SHTN1: variants seen among roughly 807,000 people sequenced by gnomAD.
SHTN1 encodes the protein shootin-1.
SHTN1 carries 42 observed loss-of-function variants against 83.1 expected under a neutral mutation model. The observed-to-expected ratio is 0.51, with a 90% CI of 0.39 to 0.65. SHTN1 has a LOEUF of 0.65. Ranked by LOEUF, SHTN1 falls within the 30% of genes least tolerant of loss-of-function variation. The pLI is 0.00. For missense variants in SHTN1, 622 were observed against 737.8 expected (o/e 0.84, Z 1.82); for synonymous variants, 224 against 247.7 (o/e 0.90, Z 0.90).
intron 2 of SHTN1, among the ~76,000 whole-genome samples, chr10:117,015,827 C>T (rs1852174158): frequency 2.0e-5 from 3 of 152,178 alleles, no homozygotes; most frequent in Admixed American, 2.0e-4. Flanking sequence ...GGCTGTGTTC[C>T]TATTGACTCT....
chr10:117,037,446 C>T (rs1003631772), intron 2 of SHTN1, among the ~76,000 whole-genome samples: 3 of 151,970 alleles, frequency 2.0e-5, no homozygotes, highest in Non-Finnish European at 4.4e-5. Context: ...ATTCCATGTG[C>T]AAGGATAGGA....
At position 116,881,705 on chromosome 10, in the gene SHTN1, G is replaced by A; in HGVS notation, c.*4639C>T. The A allele has an allele frequency of 1.4e-6, 2 of 1,405,504 alleles. No individual in the cohort carries two copies. The highest frequency in any genetic ancestry group is 3.4e-5 in the South Asian group (2 of 58,744). The allele number at this position is 1,405,504 out of a possible 1,614,324, so 87.1% of individuals were successfully genotyped here. A position where few individuals can be genotyped will look rare whatever the true frequency, so the allele number is the denominator to read the frequency against. On this transcript the variant is annotated 3_prime_UTR_variant, in exon 17 of 17. Coordinates refer to ENST00000355371, the MANE Select transcript of SHTN1 (RefSeq NM_001127211.3). ...ACCCCAGGTTCCAGCCACACCATCAGTATTAGTAGACCGGGAGGTCTGAAG... is the reference window on the plus strand; with the variant it reads ...ACCCCAGGTTCCAGCCACACCATCAATATTAGTAGACCGGGAGGTCTGAAG...
intron 3 of SHTN1, among the ~76,000 whole-genome samples, chr10:116,961,334 T>C (rs1308831265): frequency 6.6e-6 from 1 of 152,176 alleles, no homozygotes; most frequent in African/African-American, 2.4e-5. Context: ...ATTATGTTAA[T>C]ATTCAAATTC....
chr10:116,893,061 T>C (rs1020024509), intron 16 of SHTN1, among the ~76,000 whole-genome samples: 5 of 152,306 alleles, frequency 3.3e-5, no homozygotes, highest in South Asian at 2.1e-4. Flanking sequence ...AACAGTAATT[T>C]TGAGATTTAC....
chr10:117,014,219 G>T (rs952235952), intron 2 of SHTN1, among the ~76,000 whole-genome samples: 5 of 152,174 alleles, frequency 3.3e-5, no homozygotes, highest in African/African-American at 1.2e-4. Flanking sequence ...GTACAGGGGT[G>T]TTGGATAGAT....
chr10:117,103,054 C>G (rs867560495), intron 1 of SHTN1, among the ~76,000 whole-genome samples: 1 of 152,078 alleles, frequency 6.6e-6, no homozygotes, highest in Non-Finnish European at 1.5e-5. Flanking sequence ...CATTTTGGTT[C>G]CTTGTTCTAT....
intron 1 of SHTN1, among the ~76,000 whole-genome samples, chr10:116,990,276 CTTT>C (rs1158669358): frequency 8.5e-6 from 1 of 117,198 alleles, no homozygotes; most frequent in Non-Finnish European, 1.7e-5. Flanking sequence ...TTTTCTTTTT[CTTT>C]TTTCTTTCTT....
At chr10:116,968,398 TTTAAC>T (rs1206992789) in intron 3 of SHTN1, among the ~76,000 whole-genome samples, 4 of 152,232 alleles carry the variant, frequency 2.6e-5, no homozygotes, top group Admixed American at 2.6e-4. Context: ...TTTGTTCTCC[TTTAAC>T]TTTTCTGTAT....
intron 2 of SHTN1, among the ~76,000 whole-genome samples, chr10:117,036,398 A>G (rs12784405): frequency 2.0e-5 from 3 of 152,248 alleles, no homozygotes; most frequent in Non-Finnish European, 4.4e-5. Context: ...TGTTCCATCA[A>G]CAGATGAATG....
intron 5 of SHTN1, among the ~76,000 whole-genome samples, chr10:116,952,571 T>C (rs944548386): frequency 1.3e-5 from 2 of 152,218 alleles, no homozygotes; most frequent in Non-Finnish European, 2.9e-5. Flanking sequence ...GTTTTGTTTT[T>C]AAATTTATTT....
Position 116,906,755 on chromosome 10 carries a change from G to GAAAAC in SHTN1, c.1360-13_1360-9dup. On this transcript the variant is annotated splice_polypyrimidine_tract_variant and intron_variant, in intron 14 of 16. Coordinates refer to ENST00000355371, the MANE Select transcript of SHTN1 (RefSeq NM_001127211.3). ...GGATTTGTTAAGTGTCCCCTAAAGT[G>GAAAAC]AAAACAAAACAAAAACAAAAAGGTT... 6.3e-7 allele frequency: 1 copy of GAAAAC among 1,595,530 alleles called. No individual in the cohort carries two copies. Among genetic ancestry groups the GAAAAC allele is most frequent in the Non-Finnish European group, 8.5e-7 (1 of 1,172,514 alleles).
At chr10:116,889,017 T>C (rs899464076) in intron 16 of SHTN1, among the ~76,000 whole-genome samples, 8 of 152,202 alleles carry the variant, frequency 5.3e-5, no homozygotes, top group Non-Finnish European at 1.2e-4. Context: ...TGTAAGCCAG[T>C]CAAACTGCTT....
intron 16 of SHTN1, 38 bp downstream of exon 16, chr10:116,901,727 C>G: frequency 6.7e-7 from 1 of 1,503,266 alleles, no homozygotes; most frequent in Non-Finnish European, 8.8e-7. Flanking sequence ...ATTACAGATT[C>G]TTCTATACAC....
At chr10:117,005,380 G>A, upstream of SHTN1, 1 of 1,207,726 alleles carries the variant, frequency 8.3e-7, no homozygotes, top group South Asian at 2.1e-5. Flanking sequence ...CTGCCGGCGC[G>A]GCAGGACGCG....
At chr10:116,945,801 G>C (rs1849553984) in intron 7 of SHTN1, among the ~76,000 whole-genome samples, 1 of 152,096 alleles carries the variant, frequency 6.6e-6, no homozygotes, top group Non-Finnish European at 1.5e-5. Flanking sequence ...GCATGACTCA[G>C]AATAGCAGAA....
Position 116,886,396 on chromosome 10 carries a change from T to A in SHTN1, c.1844A>T (p.Asn615Ile), listed in dbSNP as rs1331631349. The change falls in exon 17 of 17, where the codon AAC becomes ATC. Residue 615 changes from asparagine (N) to isoleucine (I), a missense_variant. Coordinates refer to ENST00000355371, the MANE Select transcript of SHTN1 (RefSeq NM_001127211.3). ...CACGTTTTCAATGCTGTCTTCTTTG[T>A]TTTCTGGTTGAATTTCGCCTTCATC... is the stretch of plus-strand genomic sequence containing the variant. ...KEDEGEIQPE[N>I]KEDSIENVRE... 2 of 1,576,012 alleles carry A rather than the reference T, an allele frequency of 1.3e-6. No homozygotes were observed. The highest frequency in any genetic ancestry group is 1.7e-6 in the Non-Finnish European group (2 of 1,158,604).
chr10:117,060,837 G>C (rs1193070965), intron 1 of SHTN1, among the ~76,000 whole-genome samples: 2 of 152,174 alleles, frequency 1.3e-5, no homozygotes, highest in Admixed American at 1.3e-4. Flanking sequence ...CTTATGGTCG[G>C]AAAAGCGAGA....
In SHTN1 at chr10:116,881,495, TTTA is replaced by T. The variant is rs762525231; in HGVS notation, c.*4846_*4848del. On this transcript the variant is annotated 3_prime_UTR_variant, in exon 17 of 17. Coordinates refer to ENST00000355371, the MANE Select transcript of SHTN1 (RefSeq NM_001127211.3). ...GGCACCATTGGATTAGACAGTAAAC[TTTA>T]TTGTTACTTTAAATAGGTTTCAAAG... 11 of 1,521,078 alleles carry T rather than the reference TTTA, an allele frequency of 7.2e-6. No homozygotes were observed. In the South Asian group the frequency reaches 1.3e-4, roughly 17 times the overall value. 94.2% of individuals were successfully genotyped at this position (1,521,078 alleles called of 1,614,324 possible).
Position 117,106,432 on chromosome 10 carries a change from G to A in SHTN1, c.-189+19875C>T, listed in dbSNP as rs146016599. On this transcript the variant is annotated intron_variant, in intron 1 of 17. Coordinates refer to the SHTN1 transcript ENST00000392901. Reference sequence around the variant, plus strand: ...ATTGCGCCACTGCACTCTAGCCTGGGCGACAGTGTGAGACTTTGTCTCAAA... The same window carrying A: ...ATTGCGCCACTGCACTCTAGCCTGGACGACAGTGTGAGACTTTGTCTCAAA... 3.9e-4 allele frequency among the ~76,000 whole-genome samples: 59 copies of A among 152,290 alleles called. No individual in the cohort carries two copies. The East Asian group carries it at 0.011, about 28-fold the overall frequency.
Sources: allele counts gnomAD v4.1 joint callset (sites outside exome capture counted in the v4.1 genomes callset), GRCh38; gene constraint gnomAD v4.1.1; transcripts MANE v1.5; gene names NCBI Gene and HGNC (gene_info 2026-07-23, HGNC 2026-07-21).